The following EPN2 variants were observed in gnomAD, a reference collection of about 807,000 sequenced individuals.
The protein encoded by EPN2 is epsin-2.
Under a neutral mutation model 61.7 loss-of-function variants are expected in EPN2, and 34 were observed. The ratio of observed to expected loss-of-function variants is 0.55; its 90% confidence interval spans 0.42 to 0.73. The LOEUF (loss-of-function observed/expected upper bound fraction) is 0.73, where lower values mean the gene tolerates loss of function less well. Ranked by LOEUF, EPN2 falls within the 30% of genes least tolerant of loss-of-function variation. The pLI, the probability that EPN2 is intolerant of heterozygous loss-of-function variation, is 0.00. For synonymous variants in EPN2, 349 were observed against 353.6 expected (o/e 0.99, Z 0.15); for missense variants, 714 against 839.2 (o/e 0.85, Z 1.84).
intron 7 of EPN2, among the ~76,000 whole-genome samples, chr17:19,321,881 A>T (rs1010827672): frequency 6.6e-6 from 1 of 152,174 alleles, no homozygotes; most frequent in Non-Finnish European, 1.5e-5. Flanking sequence ...TTCGGCTTGC[A>T]GTCAGCTCTC....
At chr17:19,250,555 T>C (rs2045003993) in intron 1 of EPN2, among the ~76,000 whole-genome samples, 2 of 152,188 alleles carry the variant, frequency 1.3e-5, no homozygotes, top group Admixed American at 1.3e-4. Context: ...AGCCTCCTAG[T>C]CTTGCAGCTT....
intron 1 of EPN2, among the ~76,000 whole-genome samples, chr17:19,237,770 T>C (rs2044831924): frequency 6.6e-6 from 1 of 151,458 alleles, no homozygotes; most frequent in Admixed American, 6.6e-5. Context: ...GGATCCAGCT[T>C]TCCGCTGCAA....
intron 3 of EPN2, among the ~76,000 whole-genome samples, chr17:19,284,873 T>G: frequency 6.6e-6 from 1 of 152,260 alleles, no homozygotes; most frequent in Non-Finnish European, 1.5e-5. Flanking sequence ...GGTTAACATA[T>G]TCTTGTCCCA....
intron 1 of EPN2, among the ~76,000 whole-genome samples, chr17:19,245,702 G>A (rs1213436569): frequency 2.7e-5 from 4 of 146,578 alleles, no homozygotes; most frequent in African/African-American, 7.7e-5. Flanking sequence ...TGCTCTTGTC[G>A]CCTAAGCTGG....
intron 1 of EPN2, among the ~76,000 whole-genome samples, chr17:19,279,449 T>C (rs1023290158): frequency 3.9e-5 from 6 of 151,984 alleles, no homozygotes; most frequent in African/African-American, 1.4e-4. Flanking sequence ...TTTTTGTTTT[T>C]TTTTTTTGAG....
At chr17:19,300,100 A>T (rs944436747) in intron 4 of EPN2, among the ~76,000 whole-genome samples, 9 of 152,168 alleles carry the variant, frequency 5.9e-5, no homozygotes, top group African/African-American at 2.2e-4. Context: ...TAGCTGCCCC[A>T]TGGTTCCGTG....
rs1286577289 is a variant in EPN2 at position 19,285,457 on chromosome 17, A to G, written c.596-163A>G. 1.3e-5 allele frequency among the ~76,000 whole-genome samples: 2 copies of G among 152,226 alleles called. No homozygotes were observed. Among genetic ancestry groups the G allele is most frequent in the African/African-American group, 4.8e-5 (2 of 41,456 alleles). ...CCCTCAGACCTTACGCTTGAGCTGC[A>G]TGTTCAGGGTCAGAATGTGGTCAGT... On this transcript the variant is annotated intron_variant, in intron 3 of 10. Transcript: ENST00000314728. This position sits in a 1 kb window ranked among gnomAD's most constrained non-coding sequence, Gnocchi z 4.5.
At chr17:19,239,180 C>G (rs1200345985) in intron 1 of EPN2, among the ~76,000 whole-genome samples, 1 of 152,236 alleles carries the variant, frequency 6.6e-6, no homozygotes, top group Admixed American at 6.5e-5. Context: ...GAGACGGAGT[C>G]TCTGTCACCC....
intron 4 of EPN2, among the ~76,000 whole-genome samples, chr17:19,305,162 C>T (rs1467989276): frequency 1.3e-5 from 2 of 148,796 alleles, no homozygotes; most frequent in Non-Finnish European, 3.0e-5. Flanking sequence ...TGCTCTGTTG[C>T]CCAGGCTGGA....
chr17:19,318,130 C>G (rs1906472102), intron 7 of EPN2, among the ~76,000 whole-genome samples: 1 of 152,216 alleles, frequency 6.6e-6, no homozygotes, highest in Non-Finnish European at 1.5e-5. Flanking sequence ...CCACCCACGC[C>G]AAACAGCTTG....
chr17:19,264,727 G>T (rs989712664), intron 1 of EPN2, among the ~76,000 whole-genome samples: 1 of 152,168 alleles, frequency 6.6e-6, no homozygotes, highest in Non-Finnish European at 1.5e-5. Context: ...AGAGAGAAAG[G>T]GGGGAGTGTG....
intron 4 of EPN2, among the ~76,000 whole-genome samples, chr17:19,294,588 T>G (rs1333076632): frequency 6.6e-6 from 1 of 152,242 alleles, no homozygotes; most frequent in African/African-American, 2.4e-5. Context: ...GGTTTCTCGA[T>G]GCTTTAAGGT....
chr17:19,305,115 T>C (rs991311648), intron 4 of EPN2, among the ~76,000 whole-genome samples: 3 of 150,092 alleles, frequency 2.0e-5, no homozygotes, highest in African/African-American at 4.9e-5. Flanking sequence ...AAATATACTT[T>C]GGTTTTTTTT....
chr17:19,296,020 C>T (rs1269691817), intron 4 of EPN2, among the ~76,000 whole-genome samples: 2 of 152,188 alleles, frequency 1.3e-5, no homozygotes, highest in East Asian at 1.9e-4. Flanking sequence ...TAGTCTCCTC[C>T]TGCTGACTGC....
At position 19,283,151 on chromosome 17, in the gene EPN2, A is replaced by G; in HGVS notation, c.32A>G (p.Lys11Arg). The G allele has an allele frequency of 6.2e-7, 1 of 1,611,824 alleles. No individual in the cohort carries two copies. Among genetic ancestry groups the G allele is most frequent in the Non-Finnish European group, 8.5e-7 (1 of 1,179,018 alleles). The change falls in exon 3 of 11, where the codon AAA (lysine) becomes AGA (arginine). Residue 11 changes from lysine (K) to arginine (R), a missense_variant. This residue lies in a region of EPN2 where 304 missense variants were observed against 417.4 expected (regional missense o/e 0.73). Coordinates refer to ENST00000314728, the MANE Select transcript of EPN2 (RefSeq NM_014964.5). This position sits in a 1 kb window ranked among gnomAD's most constrained non-coding sequence, Gnocchi z 7.0. ...ACTTCGTCTATCAGACGGCAGATGA[A>G]AAACATCGTGAACAATTACTCAGAG... MTTSSIRRQMKNIVNNYSEAE... is the reference protein window; with the variant it reads MTTSSIRRQMRNIVNNYSEAE...
At chr17:19,241,283 T>C (rs2044881638) in intron 1 of EPN2, among the ~76,000 whole-genome samples, 1 of 151,876 alleles carries the variant, frequency 6.6e-6, no homozygotes, top group Non-Finnish European at 1.5e-5. Context: ...ATCTGTTGAG[T>C]TTTTGAAAAT....
intron 4 of EPN2, chr17:19,308,500 C>A: frequency 1.0e-6 from 1 of 985,400 alleles, no homozygotes; most frequent in Non-Finnish European, 1.2e-6. Context: ...GTTTGTCAGC[C>A]AGGGGTGAGT....
chr17:19,324,769 AATT>A (rs1401066650), intron 7 of EPN2, among the ~76,000 whole-genome samples: 2 of 152,256 alleles, frequency 1.3e-5, no homozygotes, highest in Admixed American at 6.5e-5. Flanking sequence ...AATAAAAGGA[AATT>A]ATAAGGATAA....
chr17:19,289,724 G>GTTTTT (rs58087532), intron 4 of EPN2, among the ~76,000 whole-genome samples: 3,233 of 77,928 alleles, frequency 0.041, 160 homozygotes, highest in Middle Eastern at 0.12. Context: ...GGCGCTCATG[G>GTTTTT]TTTTTTTTTT....
Sources: gnomAD v4.1 joint callset for allele counts (sites outside exome capture counted in the v4.1 genomes callset) on GRCh38, gnomAD v4.1.1 for gene constraint, gnomAD v4.1.1 regional missense constraint, Gnocchi (gnomAD v3.1) non-coding constraint, MANE v1.5 for transcripts, NCBI Gene and HGNC (gene_info 2026-07-23, HGNC 2026-07-21) for gene names.